Variants in PCDHGA4 observed in about 807,000 individuals in gnomAD.
The protein encoded by PCDHGA4 is protocadherin gamma-A4.
A neutral mutation model predicts 54.6 loss-of-function variants in PCDHGA4; 38 were observed. The ratio of observed to expected loss-of-function variants is 0.70; its 90% CI spans 0.54 to 0.91. PCDHGA4 has a LOEUF of 0.91. PCDHGA4 is among the 40% of genes least tolerant of loss of function. The probability of loss-of-function intolerance (pLI) is 0.00; values close to 1 mark genes in which losing one functional copy is unlikely to be tolerated. For missense variants in PCDHGA4, 1,298 were observed against 1,220.9 expected, an observed-to-expected ratio of 1.06 and a Z score of -0.94; for synonymous variants, 511 against 512.9, an observed-to-expected ratio of 1.00 and a Z score of 0.05.
chr5:141,509,298 C>A (rs974744333), intron 3 of PCDHGA4, among the ~76,000 whole-genome samples: 1 of 152,180 alleles, frequency 6.6e-6, no homozygotes, highest in Non-Finnish European at 1.5e-5. Flanking sequence ...AGGGTGGAGG[C>A]AGAGGGAGGC....
intron 1 of PCDHGA4, chr5:141,478,091 A>G: frequency 6.2e-7 from 1 of 1,613,972 alleles, no homozygotes; most frequent in African/African-American, 1.3e-5. Flanking sequence ...GCTCTCCACC[A>G]CTGCTACCCT....
Position 141,489,765 on chromosome 5 carries a change from C to A in PCDHGA4, c.2515-5042C>A. On this transcript the variant is annotated intron_variant, in intron 1 of 3. Transcript: ENST00000571252. The surrounding 1 kb of genome is among the most constrained non-coding windows in gnomAD (Gnocchi z 4.5). ...TGAGCTTTTACACTCTAAGCCCCAA[C>A]AGCCACTTCTCTCTGAATGTGAAGA... 2.5e-6 allele frequency: 4 copies of A among 1,614,174 alleles called. No individual in the cohort carries two copies. The highest frequency in any genetic ancestry group is 3.4e-6 in the Non-Finnish European group (4 of 1,179,992).
chr5:141,394,500 C>T, intron 1 of PCDHGA4: 2 of 1,614,242 alleles, frequency 1.2e-6, no homozygotes, highest in Non-Finnish European at 8.5e-7. Context: ...GCCCGAGATC[C>T]TGTACCCCGC....
intron 1 of PCDHGA4, among the ~76,000 whole-genome samples, chr5:141,462,069 C>T (rs555164288): frequency 4.3e-4 from 65 of 151,850 alleles, no homozygotes; most frequent in Non-Finnish European, 7.5e-4. Context: ...GTGATCTGCC[C>T]GCCTTGGCCT....
At chr5:141,480,956 C>G (rs2099528870) in intron 1 of PCDHGA4, among the ~76,000 whole-genome samples, 1 of 152,064 alleles carries the variant, frequency 6.6e-6, no homozygotes, top group South Asian at 2.1e-4. Flanking sequence ...GAGGCGGAAG[C>G]ATCAGTGAGG....
chr5:141,397,876 C>A (rs2093580679), intron 1 of PCDHGA4: 1 of 579,756 alleles, frequency 1.7e-6, no homozygotes, highest in East Asian at 2.9e-5. Flanking sequence ...TGACTCTGGG[C>A]GCCGCTGTTG....
chr5:141,393,303 G>A (rs1305361582), intron 1 of PCDHGA4: 5 of 1,613,646 alleles, frequency 3.1e-6, no homozygotes, highest in Non-Finnish European at 3.4e-6. Context: ...GGATGTGGGC[G>A]TGAACTCCCT....
At chr5:141,461,738 C>A (rs2099021378) in intron 1 of PCDHGA4, among the ~76,000 whole-genome samples, 1 of 150,904 alleles carries the variant, frequency 6.6e-6, no homozygotes. Flanking sequence ...TGGCACAATC[C>A]CGGCTCCCAG....
intron 1 of PCDHGA4, chr5:141,394,163 T>C (rs1207627975): frequency 3.7e-6 from 6 of 1,613,782 alleles, no homozygotes; most frequent in Non-Finnish European, 5.1e-6. Flanking sequence ...ACAACCCTCC[T>C]ACTTTCCCTC....
At chr5:141,444,670 C>G (rs1174911888) in intron 1 of PCDHGA4, among the ~76,000 whole-genome samples, 1 of 152,052 alleles carries the variant, frequency 6.6e-6, no homozygotes, top group African/African-American at 2.4e-5. Context: ...CCATTTTTTT[C>G]AATACCATTT....
chr5:141,420,357 CT>C, intron 1 of PCDHGA4: 1 of 1,376,278 alleles, frequency 7.3e-7, no homozygotes, highest in Non-Finnish European at 9.6e-7. Context: ...TTTTAAGATT[CT>C]AGATAACTTC....
intron 1 of PCDHGA4, among the ~76,000 whole-genome samples, chr5:141,474,922 C>G (rs748864870): frequency 3.9e-5 from 6 of 152,238 alleles, no homozygotes; most frequent in Non-Finnish European, 8.8e-5. Flanking sequence ...CATCTCATCT[C>G]TGGCTTATAT....
At chr5:141,398,695 A>G (rs753760185) in intron 1 of PCDHGA4, 3 of 1,613,784 alleles carry the variant, frequency 1.9e-6, no homozygotes, top group Non-Finnish European at 2.5e-6. Flanking sequence ...GGATGGTAGT[A>G]AATACCCGGA....
intron 1 of PCDHGA4, chr5:141,402,874 C>T: frequency 2.7e-6 from 4 of 1,460,728 alleles, no homozygotes; most frequent in South Asian, 1.5e-5. Flanking sequence ...GATCACCATA[C>T]TTTGCAGGGT....
Position 141,389,109 on chromosome 5 carries a change from G to A in PCDHGA4, c.2514+31488G>A, listed in dbSNP as rs144915863. On this transcript the variant is annotated intron_variant, in intron 1 of 3. Transcript: ENST00000571252. ...TAAATTAGTGACAGATGCTGTTCTA[G>A]ACCGCGAGCAGAATCCAGAGTACAA... 616 of 1,614,020 alleles carry A rather than the reference G, an allele frequency of 3.8e-4. 2 individuals are homozygous for A. The highest frequency in any genetic ancestry group is 1.2e-3 in the Middle Eastern group (7 of 6,062).
Position 141,431,625 on chromosome 5 carries a change from C to T in PCDHGA4, c.2515-63182C>T. The T allele has an allele frequency of 6.2e-7, 1 of 1,614,224 alleles. No individual in the cohort carries two copies. Among genetic ancestry groups the T allele is most frequent in the South Asian group, 1.1e-5 (1 of 91,082 alleles). On this transcript the variant is annotated intron_variant, in intron 1 of 3. Transcript: ENST00000571252. This position sits in a 1 kb window ranked among gnomAD's most constrained non-coding sequence, Gnocchi z 4.8. Reference sequence around the variant, plus strand: ...TTCCGGTATGTGGACGACAAGGCGGCCCAAGTTTTCAAACTAGATTGTAAT... The same window carrying T: ...TTCCGGTATGTGGACGACAAGGCGGTCCAAGTTTTCAAACTAGATTGTAAT...
intron 1 of PCDHGA4, 78 bp from the exon 2 acceptor site, chr5:141,494,729 C>CG: frequency 6.2e-7 from 1 of 1,610,168 alleles, no homozygotes; most frequent in South Asian, 1.1e-5. Context: ...CCTTCTCTCC[C>CG]GGCCCATCCC....
intron 2 of PCDHGA4, among the ~76,000 whole-genome samples, chr5:141,500,292 T>A (rs1001226545): frequency 2.0e-5 from 3 of 151,954 alleles, no homozygotes; most frequent in Non-Finnish European, 4.4e-5. Context: ...CACTGCAAGC[T>A]CCGCCTCCCA....
chr5:141,373,804 T>C, intron 1 of PCDHGA4: 1 of 335,232 alleles, frequency 3.0e-6, no homozygotes, highest in Non-Finnish European at 5.4e-6. Flanking sequence ...ATCCTCTGTG[T>C]GATAGTTTCA....
Sources: gnomAD v4.1 joint callset for allele counts (sites outside exome capture counted in the v4.1 genomes callset) on GRCh38, gnomAD v4.1.1 for gene constraint, Gnocchi (gnomAD v3.1) non-coding constraint, MANE v1.5 for transcripts, NCBI Gene and HGNC (gene_info 2026-07-23, HGNC 2026-07-21) for gene names.